Variants in CHCT1 observed in about 807,000 individuals in gnomAD.
CHCT1 encodes the protein CHD1 helical C-terminal domain containing 1.
At chr17:60,426,881 G>T in the CHCT1 span, 1 of 1,540,428 alleles carries the variant, frequency 6.5e-7, no homozygotes, top group Non-Finnish European at 8.7e-7. Context: ...TTAGACTTGC[G>T]GGGAGGCCTG....
chr17:60,421,255 C>A, the CHCT1 span: 1 of 667,800 alleles, frequency 1.5e-6, no homozygotes, highest in Non-Finnish European at 1.9e-6. Flanking sequence ...ACAACAACAA[C>A]AACGACAACA....
At chr17:60,421,714 C>T in the CHCT1 span, 1 of 800,996 alleles carries the variant, frequency 1.2e-6, no homozygotes, top group Non-Finnish European at 1.5e-6. Flanking sequence ...CGGCCCTGCC[C>T]GGCCAACTCA....
the CHCT1 span, among the ~76,000 whole-genome samples, chr17:60,430,125 T>C: frequency 0.062 from 6,601 of 107,086 alleles, 915 homozygotes; most frequent in African/African-American, 0.39. Flanking sequence ...CACCTGGCTT[T>C]TTTTTTTTTT....
the CHCT1 span, chr17:60,425,686 G>A: frequency 1.2e-6 from 1 of 861,090 alleles, no homozygotes; most frequent in Non-Finnish European, 1.9e-6. Context: ...GGGCAATGGA[G>A]AAGGGCTTTG....
the CHCT1 span, among the ~76,000 whole-genome samples, chr17:60,429,889 A>G: frequency 3.3e-5 from 5 of 151,950 alleles, no homozygotes; most frequent in Admixed American, 6.6e-5. Context: ...CAATGGCGCT[A>G]TCTCGGCTCA....
the CHCT1 span, chr17:60,425,990 T>C: frequency 1.2e-5 from 15 of 1,280,446 alleles, no homozygotes; most frequent in Non-Finnish European, 1.6e-5. Context: ...GCCCCACTTG[T>C]CTTACTCTTG....
At chr17:60,431,201 C>T in the CHCT1 span, 5 of 1,602,904 alleles carry the variant, frequency 3.1e-6, no homozygotes, top group African/African-American at 6.8e-5. Flanking sequence ...GGAGCTTTCT[C>T]AAAAACCAAA....
At chr17:60,431,070 G>C in the CHCT1 span, 1 of 711,618 alleles carries the variant, frequency 1.4e-6, no homozygotes, top group Non-Finnish European at 2.3e-6. Flanking sequence ...AAGTAAGATA[G>C]GATTTTGCTA....
At chr17:60,424,622 T>C in the CHCT1 span, among the ~76,000 whole-genome samples, 1 of 152,128 alleles carries the variant, frequency 6.6e-6, no homozygotes, top group African/African-American at 2.4e-5. Flanking sequence ...CGGTGGCTCA[T>C]GCCTGTAATC....
the CHCT1 span, chr17:60,421,716 G>A: frequency 2.5e-6 from 2 of 802,052 alleles, no homozygotes; most frequent in African/African-American, 1.9e-5. Flanking sequence ...GCCCTGCCCG[G>A]CCAACTCAGA....
chr17:60,427,866 G>C, the CHCT1 span, among the ~76,000 whole-genome samples: 1 of 151,986 alleles, frequency 6.6e-6, no homozygotes, highest in Admixed American at 6.6e-5. Context: ...CTCCCCTGGC[G>C]ACCACTGATC....
the CHCT1 span, chr17:60,422,653 G>A: frequency 1.5e-4 from 236 of 1,543,730 alleles, 1 homozygote; most frequent in Middle Eastern, 2.4e-3. Context: ...GGTGAAGTGG[G>A]GTGTGAGGGA....
chr17:60,421,714 C>G, the CHCT1 span: 16 of 800,998 alleles, frequency 2.0e-5, no homozygotes, highest in African/African-American at 3.7e-5. Context: ...CGGCCCTGCC[C>G]GGCCAACTCA....
the CHCT1 span, chr17:60,421,441 G>A: frequency 1.5e-5 from 15 of 985,528 alleles, no homozygotes; most frequent in African/African-American, 2.3e-4. Flanking sequence ...CCGGGCCGAC[G>A]GCGGTCCCAC....
At chr17:60,429,576 T>A in the CHCT1 span, 1 of 1,610,206 alleles carries the variant, frequency 6.2e-7, no homozygotes, top group Admixed American at 1.7e-5. Context: ...CATTTGGTGT[T>A]GGGGTGATGC....
At chr17:60,426,779 T>C in the CHCT1 span, 1 of 1,610,184 alleles carries the variant, frequency 6.2e-7, no homozygotes. Context: ...TCGCCGACTT[T>C]ACAAGTACAC....
At chr17:60,424,717 T>C in the CHCT1 span, among the ~76,000 whole-genome samples, 2 of 151,914 alleles carry the variant, frequency 1.3e-5, no homozygotes, top group African/African-American at 4.8e-5. Context: ...CTACTAAAAA[T>C]ACAAAATTAG....
At chr17:60,422,746 G>A in the CHCT1 span, 9 of 1,235,602 alleles carry the variant, frequency 7.3e-6, no homozygotes, top group Non-Finnish European at 8.8e-6. Context: ...AACAATGATA[G>A]GGTACCTGAG....
the CHCT1 span, chr17:60,421,987 C>T: frequency 5.3e-4 from 517 of 972,434 alleles, 13 homozygotes; most frequent in East Asian, 0.05. Context: ...CTTTATACAC[C>T]CCCAAAACAC....
Sources: allele counts gnomAD v4.1 joint callset (sites outside exome capture counted in the v4.1 genomes callset), GRCh38; gene constraint gnomAD v4.1.1; transcripts MANE v1.5; gene names NCBI Gene and HGNC (gene_info 2026-07-23, HGNC 2026-07-21).